The following PRG4 variants were observed in gnomAD, a reference collection of about 807,000 sequenced individuals.
The protein encoded by PRG4 is proteoglycan 4.
Under a neutral mutation model 91.2 loss-of-function variants are expected in PRG4, and 61 were observed. The observed-to-expected ratio is 0.67, with a 90% CI of 0.54 to 0.83. The LOEUF (loss-of-function observed/expected upper bound fraction) is 0.83, where lower values mean the gene tolerates loss of function less well. Ranked by LOEUF, PRG4 falls within the 40% of genes least tolerant of loss-of-function variation. The pLI is 0.00. For missense variants in PRG4, 1,564 were observed against 1,714.2 expected, an observed-to-expected ratio of 0.91 and a Z score of 1.55; for synonymous variants, 576 against 614.2, an observed-to-expected ratio of 0.94 and a Z score of 0.92.
chr1:186,298,810 C>A (rs554721312), intron 2 of PRG4, among the ~76,000 whole-genome samples: 33 of 152,284 alleles, frequency 2.2e-4, no homozygotes, highest in Admixed American at 9.2e-4. Context: ...AGAGCAATCT[C>A]TTGATACTGT....
At chr1:186,296,983 A>G in intron 2 of PRG4, 32 bp downstream of exon 2, 2 of 1,544,392 alleles carry the variant, frequency 1.3e-6, no homozygotes, top group Non-Finnish European at 1.8e-6. Flanking sequence ...CTTTTATTTA[A>G]CAACTATTGC....
In PRG4 at chr1:186,314,423, A is replaced by G. The variant is rs1268905112; in HGVS notation, c.*645A>G. 2.6e-6 allele frequency: 1 copy of G among 381,452 alleles called. No homozygotes were observed. The highest frequency in any genetic ancestry group is 4.3e-5 in the East Asian group (1 of 23,276). 23.6% of individuals were successfully genotyped at this position (381,452 alleles called of 1,614,324 possible). A position where few individuals can be genotyped will look rare whatever the true frequency, so the allele number is the denominator to read the frequency against. ...AAGAAATCAATAAATATAAAATATA[A>G]GCACATATTTATTATATATCTAAGG... On this transcript the variant is annotated 3_prime_UTR_variant, in exon 13 of 13. Coordinates refer to ENST00000445192, the MANE Select transcript of PRG4 (RefSeq NM_005807.6).
rs1571573632 is a variant in PRG4 at position 186,308,339 on chromosome 1, G to A, written c.2620G>A (p.Asp874Asn). The change falls in exon 7 of 13, where the codon GAT becomes AAT. Residue 874 changes from aspartate to asparagine, a missense_variant. Transcript: ENST00000445192. ...KEPTTIHKSP[D>N]ESTPELSAEP... ...GCCTACCACTATCCACAAAAGCCCT[G>A]ATGAATCAACTCCTGAGCTTTCTGC... The A allele has an allele frequency of 6.2e-7, 1 of 1,613,848 alleles. No homozygotes were observed. Among genetic ancestry groups the A allele is most frequent in the African/African-American group, 1.3e-5 (1 of 74,896 alleles).
rs1381091718 is a variant in PRG4 at position 186,301,622 on chromosome 1, C to T, written c.230C>T (p.Ser77Phe). Residue 77 changes from serine to phenylalanine, a missense_variant, in exon 4 of 13, where the codon TCC (serine) becomes TTC (phenylalanine). Physicochemically the swap from Ser to Phe is radical, Grantham distance 155. This residue lies in a region of PRG4 where 437 missense variants were observed against 459.0 expected (regional missense o/e 0.95). Coordinates refer to ENST00000445192, the MANE Select transcript of PRG4 (RefSeq NM_005807.6). ...ELSCKGRCFE[S>F]FERGRECDCD... Reference sequence around the variant, plus strand: ...TCCTGTAAAGGCCGCTGCTTTGAGTCCTTCGAGAGAGGGAGGGAGTGTGAC... The same window carrying T: ...TCCTGTAAAGGCCGCTGCTTTGAGTTCTTCGAGAGAGGGAGGGAGTGTGAC... 6.2e-7 allele frequency: 1 copy of T among 1,613,824 alleles called. No individual in the cohort carries two copies. The highest frequency in any genetic ancestry group is 8.5e-7 in the Non-Finnish European group (1 of 1,179,942).
chr1:186,301,446 TG>T, intron 3 of PRG4, 145 bp from the exon 4 acceptor site: 1 of 1,187,062 alleles, frequency 8.4e-7, no homozygotes, highest in Non-Finnish European at 1.2e-6. Flanking sequence ...TAATTTTTCC[TG>T]GATGATGTAC....
In PRG4 at chr1:186,301,846, A is replaced by G. The variant is rs1571554138; in HGVS notation, c.319+135A>G. 8 of 1,308,700 alleles carry G rather than the reference A, an allele frequency of 6.1e-6. No homozygotes were observed. The East Asian group carries it at 1.9e-4, about 31-fold the overall frequency. The allele number at this position is 1,308,700 out of a possible 1,614,324, so 81.1% of individuals were successfully genotyped here. ...CTAACATATAAGCTATTTCATAATA[A>G]TTTTGTTTTGTGGAGATGAATTAAA... On this transcript the variant is annotated intron_variant, in intron 4 of 12. Coordinates refer to ENST00000445192, the MANE Select transcript of PRG4 (RefSeq NM_005807.6).
At chr1:186,313,414 TGG>T in intron 12 of PRG4, 1 of 404,138 alleles carries the variant, frequency 2.5e-6, no homozygotes, top group Non-Finnish European at 4.4e-6. Context: ...TTTTCAAACT[TGG>T]TTACTCTTTA....
Position 186,304,342 on chromosome 1 carries a change from G to C in PRG4, c.469+85G>C, listed in dbSNP as rs1656414297. ...CTGCTTATCTAAGCCCATTCTCAGA[G>C]AACAGGGTAATCTTAGGAATCATGA... On this transcript the variant is annotated intron_variant, in intron 5 of 12. Coordinates refer to ENST00000445192, the MANE Select transcript of PRG4 (RefSeq NM_005807.6). The C allele has an allele frequency of 1.4e-6, 2 of 1,449,952 alleles. 1 individual carries two copies. The highest frequency in any genetic ancestry group is 2.3e-5 in the South Asian group (2 of 86,062). The allele number at this position is 1,449,952 out of a possible 1,614,324, so 89.8% of individuals were successfully genotyped here. A position where few individuals can be genotyped will look rare whatever the true frequency, so the allele number is the denominator to read the frequency against.
chr1:186,309,126 A>T lies in PRG4; in HGVS notation c.3407A>T (p.Asn1136Ile). The T allele has an allele frequency of 6.2e-7, 1 of 1,612,724 alleles. No homozygotes were observed. The highest frequency in any genetic ancestry group is 1.1e-5 in the South Asian group (1 of 91,036). ...GTACCCAATCAAGGCATTATCATCA[A>T]TCCCATGCTTTCCGGTATTAAGAAT... ...PRVPNQGIII[N>I]PMLSDETNIC... The change falls in exon 7 of 13, where the codon AAT (asparagine) becomes ATT (isoleucine). Residue 1136 changes from asparagine to isoleucine, a missense_variant. This residue lies in a region of PRG4 where 1,079 missense variants were observed against 1,162.2 expected (regional missense o/e 0.93). Coordinates refer to ENST00000445192, the MANE Select transcript of PRG4 (RefSeq NM_005807.6).
Position 186,308,910 on chromosome 1 carries a change from C to T in PRG4, c.3191C>T (p.Pro1064Leu), listed in dbSNP as rs532082326. Residue 1064 changes from proline to leucine, a missense_variant, in exon 7 of 13, where the codon CCT (proline) becomes CTT (leucine). Pro to Leu is a moderately conservative substitution (Grantham distance 98). Transcript: ENST00000445192. Reference protein sequence around the residue: ...KMTSTMPELNPTSRIAEAMLQ... With the variant: ...KMTSTMPELNLTSRIAEAMLQ... ...ACATCAACAATGCCAGAATTGAACC[C>T]TACCTCAAGAATAGCAGAAGCCATG... The T allele has an allele frequency of 1.9e-6, 3 of 1,612,940 alleles. No individual in the cohort carries two copies. In the East Asian group the frequency reaches 6.7e-5, roughly 36 times the overall value.
In PRG4 at chr1:186,309,794, T is replaced by C. The variant is rs777663587; in HGVS notation, c.3423T>C (p.Asp1141=). 5.3e-5 allele frequency: 85 copies of C among 1,608,938 alleles called. No homozygotes were observed. Among genetic ancestry groups the C allele is most frequent in the Non-Finnish European group, 6.7e-5 (79 of 1,175,516 alleles). Residue 1141 remains aspartate, a splice_region_variant and synonymous_variant, in exon 8 of 13, where the codon GAT becomes GAC. Transcript: ENST00000445192. ...QGIIINPMLS[D]ETNICNGKPV... ...TTTTGTTTTTGTTAATTTGTTTAGA[T>C]GAGACCAATATATGCAATGGTAAGC... is the stretch of plus-strand genomic sequence containing the variant.
In PRG4 at chr1:186,312,202, A is replaced by C; in HGVS notation, c.3821A>C (p.Lys1274Thr). Residue 1274 changes from lysine (K) to threonine (T), a missense_variant, in exon 11 of 13, where the codon AAA (lysine) becomes ACA (threonine). By Grantham distance (78) the Lys-to-Thr change is moderately conservative. This residue lies in a region of PRG4 where 1,079 missense variants were observed against 1,162.2 expected (regional missense o/e 0.93). Coordinates refer to ENST00000445192, the MANE Select transcript of PRG4 (RefSeq NM_005807.6). ...RGGSIQQYIY[K>T]QEPVQKCPGR... ...GGCAGCATTCAGCAGTATATTTATAAACAGGAACCTGTACAGAAGTGCCCT... is the reference window on the plus strand; with the variant it reads ...GGCAGCATTCAGCAGTATATTTATACACAGGAACCTGTACAGAAGTGCCCT... 6.2e-7 allele frequency: 1 copy of C among 1,613,994 alleles called. No individual in the cohort carries two copies. The highest frequency in any genetic ancestry group is 8.5e-7 in the Non-Finnish European group (1 of 1,179,916).
intron 3 of PRG4, among the ~76,000 whole-genome samples, chr1:186,301,078 C>A (rs1169722333): frequency 6.6e-6 from 1 of 152,124 alleles, no homozygotes; most frequent in East Asian, 1.9e-4. Flanking sequence ...CAACTATACA[C>A]CTTCCCCAGT....
In PRG4 at chr1:186,311,963, T is replaced by C. The variant is rs1322815954; in HGVS notation, c.3794-212T>C. The C allele has an allele frequency of 8.9e-6, 5 of 564,370 alleles. No homozygotes were observed. The East Asian group carries it at 1.5e-4, about 17-fold the overall frequency. The allele number at this position is 564,370 out of a possible 1,614,324, so 35.0% of individuals were successfully genotyped here. A position where few individuals can be genotyped will look rare whatever the true frequency, so the allele number is the denominator to read the frequency against. On this transcript the variant is annotated intron_variant, in intron 10 of 12. Transcript: ENST00000445192. ...TCAATTGAAATTAAATATATAACTA[T>C]GTAATTTGCTGCATCTATTCATTCA...
rs1417235376 is a variant in PRG4 at position 186,308,117 on chromosome 1, A to G, written c.2398A>G (p.Lys800Glu). ...APTTPKKPAP[K>E]ELAPTTTKGP... ...CACTACTCCCAAGAAGCCTGCCCCC[A>G]AGGAGCTTGCACCCACCACCACCAA... Residue 800 changes from lysine (K) to glutamate (E), a missense_variant, in exon 7 of 13, where the codon AAG (lysine) becomes GAG (glutamate). By Grantham distance (56) the Lys-to-Glu change is moderately conservative. Around this residue, in one of 3 missense-constraint regions of PRG4, gnomAD observed 1,079 missense variants for 1,162.2 expected, o/e 0.93. Coordinates refer to ENST00000445192, the MANE Select transcript of PRG4 (RefSeq NM_005807.6). 8 of 1,607,686 alleles carry G rather than the reference A, an allele frequency of 5.0e-6. No homozygotes were observed. Among genetic ancestry groups the G allele is most frequent in the Admixed American group, 1.7e-5 (1 of 59,200 alleles).
intron 4 of PRG4, 123 bp from the exon 5 acceptor site, chr1:186,303,985 G>A (rs1266418685): frequency 4.0e-6 from 4 of 1,003,322 alleles, no homozygotes; most frequent in Non-Finnish European, 6.4e-6. Flanking sequence ...TTGAGCTGGA[G>A]CCTGCCTGCA....
chr1:186,314,440 T>A lies in PRG4; in HGVS notation c.*662T>A. ...AAAATATAAGCACATATTTATTATATATCTAAGGTATACAAATCTGTCTAC... is the reference window on the plus strand; with the variant it reads ...AAAATATAAGCACATATTTATTATAAATCTAAGGTATACAAATCTGTCTAC... On this transcript the variant is annotated 3_prime_UTR_variant, in exon 13 of 13. Coordinates refer to ENST00000445192, the MANE Select transcript of PRG4 (RefSeq NM_005807.6). The A allele has an allele frequency of 2.5e-6, 1 of 404,034 alleles. No homozygotes were observed. The highest frequency in any genetic ancestry group is 4.0e-5 in the Admixed American group (1 of 24,710). The allele number at this position is 404,034 out of a possible 1,614,324, so 25.0% of individuals were successfully genotyped here. A position where few individuals can be genotyped will look rare whatever the true frequency, so the allele number is the denominator to read the frequency against.
chr1:186,298,276 G>A (rs931402778), intron 2 of PRG4, among the ~76,000 whole-genome samples: 3 of 151,966 alleles, frequency 2.0e-5, no homozygotes, highest in Non-Finnish European at 2.9e-5. Context: ...CCAGCTATTC[G>A]GAGGCTGAGG....
chr1:186,313,044 T>C (rs1289545499), intron 12 of PRG4, 150 bp downstream of exon 12: 5 of 819,226 alleles, frequency 6.1e-6, no homozygotes, highest in African/African-American at 1.7e-5. Context: ...GTTAAGACTT[T>C]TGCTTTAATT....
Sources: allele counts gnomAD v4.1 joint callset (sites outside exome capture counted in the v4.1 genomes callset), GRCh38; gene constraint gnomAD v4.1.1; regional missense constraint gnomAD v4.1.1; transcripts MANE v1.5; gene names NCBI Gene and HGNC (gene_info 2026-07-23, HGNC 2026-07-21).